Variants in NPAS3 observed in about 807,000 individuals in gnomAD.
NPAS3 encodes the protein neuronal PAS domain protein 3, also known as neuronal PAS domain-containing protein 3.
Under a neutral mutation model 73.1 loss-of-function variants are expected in NPAS3, and 14 were observed. That is an observed-to-expected ratio of 0.19 (90% CI 0.13 to 0.30). NPAS3 has a LOEUF of 0.30. Among genes scored for constraint, NPAS3 ranks in the 10% least tolerant of loss-of-function variants. The pLI is 1.00. For missense variants in NPAS3, 1,096 were observed against 1,250.0 expected (o/e 0.88, Z 1.86); for synonymous variants, 620 against 541.5 (o/e 1.14, Z -2.01).
intron 1 of NPAS3, among the ~76,000 whole-genome samples, chr14:32,941,294 TC>T (rs2035997625): frequency 2.1e-5 from 1 of 47,610 alleles, no homozygotes; most frequent in Non-Finnish European, 4.0e-5. Flanking sequence ...CCTCCCTCCC[TC>T]CCTCCCTCCC....
chr14:33,784,522 T>C (rs1277919680), intron 9 of NPAS3, among the ~76,000 whole-genome samples: 1 of 151,888 alleles, frequency 6.6e-6, no homozygotes, highest in Admixed American at 6.6e-5. Context: ...GCAAGAGAGA[T>C]GGAGGAGTGG....
intron 2 of NPAS3, among the ~76,000 whole-genome samples, chr14:33,118,268 A>G (rs924601114): frequency 6.6e-6 from 1 of 152,090 alleles, no homozygotes; most frequent in Non-Finnish European, 1.5e-5. Flanking sequence ...ATCTTTAGCT[A>G]TGATGGGGAT....
intron 2 of NPAS3, among the ~76,000 whole-genome samples, chr14:33,102,187 G>T (rs906470311): frequency 4.6e-5 from 7 of 152,106 alleles, no homozygotes; most frequent in African/African-American, 1.7e-4. Flanking sequence ...CTTTACTGTG[G>T]ATGTGTTTAT....
At chr14:33,250,206 C>A (rs2048532010) in intron 3 of NPAS3, among the ~76,000 whole-genome samples, 1 of 151,794 alleles carries the variant, frequency 6.6e-6, no homozygotes, top group South Asian at 2.1e-4. Context: ...GCTTTTGGAA[C>A]CTAATAAAAA....
chr14:33,449,712 T>A (rs2049700594), intron 4 of NPAS3, among the ~76,000 whole-genome samples: 1 of 152,212 alleles, frequency 6.6e-6, no homozygotes, highest in Non-Finnish European at 1.5e-5. Context: ...CTCTGAATTA[T>A]ATTTTTTAAA....
At chr14:33,457,452 A>C (rs549743578) in intron 4 of NPAS3, among the ~76,000 whole-genome samples, 1 of 152,320 alleles carries the variant, frequency 6.6e-6, no homozygotes, top group Admixed American at 6.5e-5. Context: ...ACAGGGTTCT[A>C]AACTTGAAAT....
chr14:33,242,075 A>T (rs1289323133), intron 3 of NPAS3, among the ~76,000 whole-genome samples: 1 of 152,028 alleles, frequency 6.6e-6, no homozygotes, highest in African/African-American at 2.4e-5. Context: ...TCCAACTGAT[A>T]TACTAATAAT....
At chr14:33,676,217 C>T (rs201844420) in exon 6 of NPAS3, 3 of 1,613,704 alleles carry the variant, frequency 1.9e-6, no homozygotes, top group African/African-American at 2.7e-5. Context: ...CTAGGTGGAG[C>T]TGACAGGCAG....
intron 3 of NPAS3, among the ~76,000 whole-genome samples, chr14:33,284,610 C>T (rs563915117): frequency 4.7e-4 from 72 of 152,148 alleles, no homozygotes; most frequent in African/African-American, 1.6e-3. Context: ...AACTCATTAC[C>T]TTCAAAATGA....
intron 5 of NPAS3, among the ~76,000 whole-genome samples, chr14:33,568,181 T>G (rs1369847693): frequency 6.6e-6 from 1 of 152,216 alleles, no homozygotes; most frequent in Non-Finnish European, 1.5e-5. Flanking sequence ...AACAGTATTT[T>G]CAGATTCATT....
intron 1 of NPAS3, among the ~76,000 whole-genome samples, chr14:32,988,915 C>T (rs764772277): frequency 6.6e-6 from 1 of 152,134 alleles, no homozygotes; most frequent in Non-Finnish European, 1.5e-5. Context: ...TCACTCAGTG[C>T]GTATTTATTG....
intron 3 of NPAS3, among the ~76,000 whole-genome samples, chr14:33,234,929 G>A (rs150502017): frequency 2.0e-5 from 3 of 151,988 alleles, no homozygotes; most frequent in Non-Finnish European, 2.9e-5. Context: ...GAATAGATAC[G>A]GTATTGTAGC....
chr14:33,254,178 A>T (rs976148299), intron 3 of NPAS3, among the ~76,000 whole-genome samples: 2 of 152,018 alleles, frequency 1.3e-5, no homozygotes, highest in Non-Finnish European at 2.9e-5. Context: ...CCAATTTTCC[A>T]TGTAGCAGCT....
chr14:33,154,690 C>G (rs1410081069), intron 2 of NPAS3, among the ~76,000 whole-genome samples: 1 of 152,198 alleles, frequency 6.6e-6, no homozygotes, highest in East Asian at 1.9e-4. Context: ...CCTTTCTGTT[C>G]CCCTTAGAAA....
In NPAS3 at chr14:33,566,421, A is replaced by T. The variant is rs537575836; in HGVS notation, c.558+6211A>T. Among the ~76,000 whole-genome samples, 17 of 152,194 alleles carry T rather than the reference A, an allele frequency of 1.1e-4. No individual in the cohort carries two copies. The South Asian group carries it at 1.9e-3, about 17-fold the overall frequency. Reference sequence around the variant, plus strand: ...GAAAAAGTTCCTCTGTTCGATCCAGATATTGAACTGCTCGTTCTTCCCCCC... The same window carrying T: ...GAAAAAGTTCCTCTGTTCGATCCAGTTATTGAACTGCTCGTTCTTCCCCCC... On this transcript the variant is annotated intron_variant, in intron 5 of 11. Coordinates refer to ENST00000356141, the Ensembl canonical transcript of NPAS3.
intron 1 of NPAS3, among the ~76,000 whole-genome samples, chr14:33,045,636 G>A (rs1457678332): frequency 6.6e-6 from 1 of 152,122 alleles, no homozygotes; most frequent in Non-Finnish European, 1.5e-5. Context: ...AGTCAGGAAT[G>A]TTGTTAAGCT....
chr14:33,769,825 C>T (rs537500480), intron 7 of NPAS3, among the ~76,000 whole-genome samples: 2 of 121,560 alleles, frequency 1.6e-5, no homozygotes, highest in East Asian at 2.8e-4. Context: ...CGTGCAGTGG[C>T]GGAATCACGG....
At chr14:33,061,656 TATTC>T (rs2041104271) in intron 2 of NPAS3, among the ~76,000 whole-genome samples, 1 of 152,184 alleles carries the variant, frequency 6.6e-6, no homozygotes, top group African/African-American at 2.4e-5. Flanking sequence ...TGAGTGAATT[TATTC>T]ATTCATTTAA....
intron 4 of NPAS3, among the ~76,000 whole-genome samples, chr14:33,482,978 A>G (rs530565687): frequency 3.9e-5 from 6 of 152,350 alleles, no homozygotes; most frequent in East Asian, 1.9e-4. Context: ...GCCAAACACT[A>G]TTTGTTAAGA....
Sources: gnomAD v4.1 joint callset for allele counts (sites outside exome capture counted in the v4.1 genomes callset) on GRCh38, gnomAD v4.1.1 for gene constraint, MANE v1.5 for transcripts, NCBI Gene and HGNC (gene_info 2026-07-23, HGNC 2026-07-21) for gene names.